The following CSMD2 variants were observed in gnomAD, a reference collection of about 807,000 sequenced individuals.
CSMD2 encodes the protein CUB and sushi domain-containing protein 2.
In CSMD2, 130 loss-of-function variants were observed where a neutral mutation model predicts 398.5. The observed-to-expected ratio is 0.33, with a 90% confidence interval of 0.28 to 0.38. CSMD2 has a LOEUF of 0.38. CSMD2 is among the 10% of genes least tolerant of loss of function. The probability of loss-of-function intolerance (pLI) is 1.00; values close to 1 mark genes in which losing one functional copy is unlikely to be tolerated. For synonymous variants in CSMD2, 1,828 were observed against 1,908.5 expected (o/e 0.96, Z 1.10); for missense variants, 3,829 against 4,764.9 (o/e 0.80, Z 5.78).
chr1:34,123,989 C>G (rs1388351299), intron 1 of CSMD2, among the ~76,000 whole-genome samples: 1 of 152,138 alleles, frequency 6.6e-6, no homozygotes, highest in African/African-American at 2.4e-5. Flanking sequence ...TTGACATTGA[C>G]AATAACCCAG....
chr1:34,072,487 G>A (rs899189294), intron 2 of CSMD2, among the ~76,000 whole-genome samples: 4 of 152,132 alleles, frequency 2.6e-5, no homozygotes, highest in Non-Finnish European at 4.4e-5. Context: ...GAGAGGGGCC[G>A]ATGAGGATCT....
chr1:33,919,833 A>C (rs1424513642), intron 4 of CSMD2, among the ~76,000 whole-genome samples: 1 of 152,198 alleles, frequency 6.6e-6, no homozygotes, highest in African/African-American at 2.4e-5. Context: ...TCACTTATTC[A>C]TTCATTCATT....
At chr1:33,849,759 T>C (rs900772265) in intron 5 of CSMD2, among the ~76,000 whole-genome samples, 1 of 152,038 alleles carries the variant, frequency 6.6e-6, no homozygotes, top group African/African-American at 2.4e-5. Context: ...TGAGACCCCA[T>C]TTTATTTACC....
intron 3 of CSMD2, among the ~76,000 whole-genome samples, chr1:34,023,323 A>G (rs1382923125): frequency 6.6e-6 from 1 of 152,198 alleles, no homozygotes; most frequent in Non-Finnish European, 1.5e-5. Context: ...GAGTACTGCG[A>G]AAGTATGCCC....
chr1:33,631,482 C>G (rs1287083635), intron 32 of CSMD2, among the ~76,000 whole-genome samples: 1 of 152,046 alleles, frequency 6.6e-6, no homozygotes, highest in Non-Finnish European at 1.5e-5. Flanking sequence ...GCAGTGTAAG[C>G]AGTATTATGA....
intron 3 of CSMD2, among the ~76,000 whole-genome samples, chr1:34,017,136 G>A (rs910552944): frequency 7.9e-5 from 12 of 152,130 alleles, no homozygotes; most frequent in African/African-American, 2.4e-4. Flanking sequence ...ATCAATCAAA[G>A]CCTTGCTTGA....
chr1:33,829,424 G>A (rs1659214162), intron 6 of CSMD2, among the ~76,000 whole-genome samples: 1 of 152,086 alleles, frequency 6.6e-6, no homozygotes. Context: ...AAAGTTCAGG[G>A]TACATGTGCA....
intron 3 of CSMD2, among the ~76,000 whole-genome samples, chr1:34,020,886 T>C (rs1356307264): frequency 2.6e-5 from 4 of 152,218 alleles, no homozygotes; most frequent in Admixed American, 2.6e-4. Context: ...GGCCCTGGGC[T>C]ATGGACCCTG....
chr1:33,737,644 G>A (rs1175783468), intron 15 of CSMD2, among the ~76,000 whole-genome samples: 1 of 152,188 alleles, frequency 6.6e-6, no homozygotes, highest in Non-Finnish European at 1.5e-5. Flanking sequence ...TCTGGTGAGA[G>A]TCGGGGCTCT....
At chr1:33,852,687 A>G (rs1347422717) in intron 5 of CSMD2, among the ~76,000 whole-genome samples, 3 of 152,240 alleles carry the variant, frequency 2.0e-5, no homozygotes, top group Non-Finnish European at 4.4e-5. Context: ...CTAGCAGGCA[A>G]GCTCCATGGG....
Position 33,527,141 on chromosome 1 carries a change from CTG to C in CSMD2, c.10234+53_10234+54del, listed in dbSNP as rs1383154341. 7 of 1,485,792 alleles carry C rather than the reference CTG, an allele frequency of 4.7e-6. No individual in the cohort carries two copies. The Admixed American group carries it at 8.4e-5, about 18-fold the overall frequency. 92.0% of individuals were successfully genotyped at this position (1,485,792 alleles called of 1,614,324 possible). On this transcript the variant is annotated intron_variant, in intron 65 of 70. Coordinates refer to ENST00000373381, the MANE Select transcript of CSMD2 (RefSeq NM_001281956.2). ...TCAGCAACACGAGTTTTCTGGCTAA[CTG>C]TGTGAAAAAAGTAACACCAGTTTCT...
intron 9 of CSMD2, among the ~76,000 whole-genome samples, chr1:33,814,966 T>G (rs927822275): frequency 2.6e-5 from 4 of 152,000 alleles, no homozygotes; most frequent in African/African-American, 9.7e-5. Flanking sequence ...AATACCTACA[T>G]CTTCCTCATC....
chr1:33,563,201 C>T (rs1483084525), intron 53 of CSMD2, among the ~76,000 whole-genome samples: 1 of 151,468 alleles, frequency 6.6e-6, no homozygotes, highest in African/African-American at 2.5e-5. Flanking sequence ...CAGGGTCTGG[C>T]ATATAGTAGA....
intron 3 of CSMD2, among the ~76,000 whole-genome samples, chr1:33,992,981 G>GA (rs202199616): frequency 6.6e-6 from 1 of 151,814 alleles, no homozygotes; most frequent in Non-Finnish European, 1.5e-5. Flanking sequence ...CATATGACAT[G>GA]AAAAAAAGCA....
chr1:33,619,852 G>A (rs759213396), intron 37 of CSMD2, among the ~76,000 whole-genome samples: 3 of 152,096 alleles, frequency 2.0e-5, no homozygotes, highest in Admixed American at 6.5e-5. Flanking sequence ...AGTTTCAAGT[G>A]TTTCACTTGT....
chr1:34,033,917 AT>A (rs1272549605), intron 2 of CSMD2, among the ~76,000 whole-genome samples: 3 of 152,166 alleles, frequency 2.0e-5, no homozygotes, highest in Non-Finnish European at 2.9e-5. Flanking sequence ...TGTGGGATTC[AT>A]GTTAACTCAG....
chr1:33,941,529 T>C (rs1242663156), intron 3 of CSMD2, among the ~76,000 whole-genome samples: 1 of 152,204 alleles, frequency 6.6e-6, no homozygotes, highest in Non-Finnish European at 1.5e-5. Flanking sequence ...AGGTGATGCC[T>C]GTGTACGTGT....
At chr1:33,757,781 C>T (rs147837454) in intron 13 of CSMD2, among the ~76,000 whole-genome samples, 1 of 152,334 alleles carries the variant, frequency 6.6e-6, no homozygotes, top group East Asian at 1.9e-4. Flanking sequence ...TCAACTCCTT[C>T]TCCCTCGCTC....
intron 13 of CSMD2, among the ~76,000 whole-genome samples, chr1:33,757,584 T>C (rs1649215212): frequency 6.6e-6 from 1 of 152,110 alleles, no homozygotes; most frequent in Non-Finnish European, 1.5e-5. Flanking sequence ...CAAAATAAAT[T>C]CTAGTAACCC....
Sources: gnomAD v4.1 joint callset for allele counts (sites outside exome capture counted in the v4.1 genomes callset) on GRCh38, gnomAD v4.1.1 for gene constraint, MANE v1.5 for transcripts, NCBI Gene and HGNC (gene_info 2026-07-23, HGNC 2026-07-21) for gene names.